The following DIAPH3 variants were observed in gnomAD, a reference collection of about 807,000 sequenced individuals.
The protein encoded by DIAPH3 is diaphanous related formin 3, also known as protein diaphanous homolog 3.
A neutral mutation model predicts 144.3 loss-of-function variants in DIAPH3; 117 were observed. That is an observed-to-expected ratio of 0.81 (90% CI 0.70 to 0.95). The LOEUF (loss-of-function observed/expected upper bound fraction) is 0.95, where lower values mean the gene tolerates loss of function less well. DIAPH3 is among the 40% of genes least tolerant of loss of function. The pLI is 0.00. For synonymous variants in DIAPH3, 519 were observed against 488.9 expected, an observed-to-expected ratio of 1.06 and a Z score of -0.81; for missense variants, 1,421 against 1,412.7, an observed-to-expected ratio of 1.01 and a Z score of -0.09.
intron 4 of DIAPH3, among the ~76,000 whole-genome samples, chr13:60,075,575 T>G (rs2141372834): frequency 6.6e-6 from 1 of 152,310 alleles, no homozygotes; most frequent in Middle Eastern, 3.4e-3. Context: ...TAAAGTAAGT[T>G]TTTCTTTCTC....
chr13:60,032,326 A>T (rs1043364939), intron 5 of DIAPH3, among the ~76,000 whole-genome samples: 2 of 152,152 alleles, frequency 1.3e-5, no homozygotes, highest in Non-Finnish European at 2.9e-5. Context: ...CCAACCCCAC[A>T]TTTCCCCTTG....
chr13:59,667,002 A>C (rs1302509667), intron 27 of DIAPH3, among the ~76,000 whole-genome samples, 156 bp from the exon 28 acceptor site: 1 of 152,244 alleles, frequency 6.6e-6, no homozygotes, highest in Non-Finnish European at 1.5e-5. Context: ...GACAGGTTTA[A>C]AATAATCACA....
chr13:60,029,877 T>A (rs1440207529), intron 5 of DIAPH3, among the ~76,000 whole-genome samples: 1 of 151,938 alleles, frequency 6.6e-6, no homozygotes, highest in Non-Finnish European at 1.5e-5. Context: ...AGAATGAAAA[T>A]CCAATAACCC....
chr13:59,694,775 G>A (rs2033714448), intron 27 of DIAPH3, among the ~76,000 whole-genome samples: 1 of 152,074 alleles, frequency 6.6e-6, no homozygotes. Context: ...TTCAGTCATT[G>A]GAAACATCTG....
intron 17 of DIAPH3, among the ~76,000 whole-genome samples, chr13:59,964,267 G>A (rs2049928655): frequency 1.3e-5 from 2 of 151,944 alleles, no homozygotes; most frequent in Admixed American, 6.6e-5. Flanking sequence ...TCTACCATTC[G>A]TCAAGTGACT....
intron 3 of DIAPH3, among the ~76,000 whole-genome samples, chr13:60,099,699 A>C (rs1346675824): frequency 6.6e-6 from 1 of 152,192 alleles, no homozygotes; most frequent in East Asian, 1.9e-4. Context: ...AACAGCAAAA[A>C]AAATAGTTTC....
intron 1 of DIAPH3, among the ~76,000 whole-genome samples, chr13:60,150,627 T>C (rs1049426997): frequency 1.3e-5 from 2 of 152,112 alleles, no homozygotes; most frequent in East Asian, 3.9e-4. Context: ...GTGATGATGA[T>C]TGTTATCTAG....
chr13:59,877,991 T>C (rs1240128974), intron 21 of DIAPH3, among the ~76,000 whole-genome samples: 2 of 152,170 alleles, frequency 1.3e-5, no homozygotes, highest in Non-Finnish European at 2.9e-5. Flanking sequence ...GTCTTAACTC[T>C]GCTGCCATAA....
intron 4 of DIAPH3, among the ~76,000 whole-genome samples, chr13:60,071,791 C>A (rs921967823): frequency 6.6e-6 from 1 of 152,124 alleles, no homozygotes; most frequent in Non-Finnish European, 1.5e-5. Context: ...TGTGTGATTC[C>A]TTATTTTTAA....
intron 15 of DIAPH3, among the ~76,000 whole-genome samples, chr13:59,971,375 A>G (rs1403884376): frequency 1.3e-5 from 2 of 152,208 alleles, no homozygotes; most frequent in African/African-American, 4.8e-5. Context: ...CATAATTGCC[A>G]GAAGTATAAT....
At chr13:60,119,098 G>A (rs1406001077) in intron 2 of DIAPH3, among the ~76,000 whole-genome samples, 1 of 152,150 alleles carries the variant, frequency 6.6e-6, no homozygotes, top group Admixed American at 6.5e-5. Context: ...CCTGATTTAT[G>A]TAACCAACAG....
chr13:60,003,753 T>G (rs1429491819), intron 9 of DIAPH3, among the ~76,000 whole-genome samples: 1 of 151,858 alleles, frequency 6.6e-6, no homozygotes, highest in Non-Finnish European at 1.5e-5. Flanking sequence ...TTTTTTTCTT[T>G]GTATTTTTAG....
Position 59,666,340 on chromosome 13 carries a change from T to C in DIAPH3, c.*244A>G, listed in dbSNP as rs1460728598. Reference sequence around the variant, plus strand: ...ATAATTTAACCACCAAATAAAGAACTGAGGAATACCAGGAGACAAAAAAAA... The same window carrying C: ...ATAATTTAACCACCAAATAAAGAACCGAGGAATACCAGGAGACAAAAAAAA... On this transcript the variant is annotated 3_prime_UTR_variant, in exon 28 of 28. Transcript: ENST00000400324. 3 of 417,468 alleles carry C rather than the reference T, an allele frequency of 7.2e-6. No homozygotes were observed. The African/African-American group carries it at 7.9e-5, about 11-fold the overall frequency. 25.9% of individuals were successfully genotyped at this position (417,468 alleles called of 1,614,324 possible). A position where few individuals can be genotyped will look rare whatever the true frequency, so the allele number is the denominator to read the frequency against.
chr13:59,733,728 T>C (rs558509724), intron 27 of DIAPH3, among the ~76,000 whole-genome samples: 1 of 152,278 alleles, frequency 6.6e-6, no homozygotes, highest in South Asian at 2.1e-4. Flanking sequence ...TCAAGCACTG[T>C]TCAGTGAGGA....
At chr13:59,883,789 T>G (rs2045246375) in intron 20 of DIAPH3, among the ~76,000 whole-genome samples, 1 of 100,620 alleles carries the variant, frequency 9.9e-6, no homozygotes, top group Non-Finnish European at 2.4e-5. Context: ...TCTGCTATGT[T>G]TTCTAGTAGG....
intron 3 of DIAPH3, among the ~76,000 whole-genome samples, chr13:60,107,062 A>ATTGGTAC: frequency 6.6e-6 from 1 of 152,136 alleles, no homozygotes; most frequent in African/African-American, 2.4e-5. Flanking sequence ...TAAAACTTTA[A>ATTGGTAC]TAGTGTGTGA....
At chr13:59,823,122 T>C (rs915893750) in intron 24 of DIAPH3, among the ~76,000 whole-genome samples, 3 of 152,154 alleles carry the variant, frequency 2.0e-5, no homozygotes, top group African/African-American at 7.2e-5. Context: ...AAATAAAAAT[T>C]AGCAGTTATT....
At chr13:59,689,441 C>T (rs372652761) in intron 27 of DIAPH3, among the ~76,000 whole-genome samples, 2 of 151,938 alleles carry the variant, frequency 1.3e-5, no homozygotes, top group Admixed American at 6.6e-5. Flanking sequence ...CAAACAGAGT[C>T]GTCATCAGCA....
Position 59,983,832 on chromosome 13 carries a change from C to T in DIAPH3, c.1417G>A (p.Asp473Asn), listed in dbSNP as rs1286478457. 12 of 1,610,378 alleles carry T rather than the reference C, an allele frequency of 7.5e-6. No individual in the cohort carries two copies. Among genetic ancestry groups the T allele is most frequent in the Non-Finnish European group, 1.0e-5 (12 of 1,177,536 alleles). The change falls in exon 13 of 28, where the codon GAT becomes AAT. Residue 473 changes from aspartate (D) to asparagine (N), a missense_variant. By Grantham distance (23) the Asp-to-Asn change is conservative. Transcript: ENST00000400324. The part of the protein sequence containing the change: ...ECVSQIVLHR[D>N]GMDPDFTYRK... ...TATGTGAAGTCTGGATCCATTCCAT[C>T]TCTATGCAATACAATCTGGGATACA...
Sources: allele counts gnomAD v4.1 joint callset (sites outside exome capture counted in the v4.1 genomes callset), GRCh38; gene constraint gnomAD v4.1.1; transcripts MANE v1.5; gene names NCBI Gene and HGNC (gene_info 2026-07-23, HGNC 2026-07-21).